The following SIX1 variants were observed in gnomAD, a reference collection of about 807,000 sequenced individuals.
SIX1 encodes the protein SIX homeobox 1.
SIX1 carries 11 observed loss-of-function variants against 26.5 expected under a neutral mutation model. That is an observed-to-expected ratio of 0.41 (90% CI 0.26 to 0.69). The LOEUF is 0.69. Ranked by LOEUF, SIX1 falls within the 30% of genes least tolerant of loss-of-function variation. SIX1 has a pLI of 0.28. For missense variants in SIX1, 333 were observed against 365.9 expected, an observed-to-expected ratio of 0.91 and a Z score of 0.73; for synonymous variants, 177 against 166.2, an observed-to-expected ratio of 1.06 and a Z score of -0.50.
Position 60,648,769 on chromosome 14 carries a change from C to A in SIX1, c.421G>T (p.Glu141Ter), listed in dbSNP as rs761906849. ...FKEKSRGVLR[E>*]WYAHNPYPSP... is the part of the protein sequence containing the mutation. ...GGGTAGGGATTGTGCGCGTACCACT[C>A]CCGCAGGACACCCCTCGACTTCTCC... Residue 141 changes from glutamate to a stop codon, truncating the protein, a stop_gained, in exon 1 of 2, where the codon GAG becomes TAG. Coordinates refer to ENST00000645694, the MANE Select transcript of SIX1 (RefSeq NM_005982.4). LOFTEE classifies it high-confidence loss of function. The surrounding 1 kb of genome is among the most constrained non-coding windows in gnomAD (Gnocchi z 7.9). 11 of 1,614,150 alleles carry A rather than the reference C, an allele frequency of 6.8e-6. No individual in the cohort carries two copies. Among genetic ancestry groups the A allele is most frequent in the Non-Finnish European group, 9.3e-6 (11 of 1,179,988 alleles).
chr14:60,644,223 C>T lies in SIX1; in HGVS notation c.*2060G>A, dbSNP rs1894903451. On this transcript the variant is annotated 3_prime_UTR_variant, in exon 2 of 2. Coordinates refer to ENST00000645694, the MANE Select transcript of SIX1 (RefSeq NM_005982.4). The stretch of plus-strand genomic sequence containing the variant: ...GAATGTGAAGAATGTGAGGAGATTC[C>T]CTGTGAGAGCCCCTCCTGCAGAGGG... The T allele has an allele frequency of 6.6e-6, 1 of 152,138 alleles. No homozygotes were observed. The highest frequency in any genetic ancestry group is 1.5e-5 in the Non-Finnish European group (1 of 68,046). 9.4% of individuals were successfully genotyped at this position (152,138 alleles called of 1,614,324 possible).
chr14:60,648,503 CCG>C lies in SIX1; in HGVS notation c.560+125_560+126del, dbSNP rs1210337412. 1 of 887,816 alleles carries C rather than the reference CCG, an allele frequency of 1.1e-6. No individual in the cohort carries two copies. Among genetic ancestry groups the C allele is most frequent in the Non-Finnish European group, 1.7e-6 (1 of 579,414 alleles). 55.0% of individuals were successfully genotyped at this position (887,816 alleles called of 1,614,324 possible). A position where few individuals can be genotyped will look rare whatever the true frequency, so the allele number is the denominator to read the frequency against. Reference sequence around the variant, plus strand: ...TGCAGCGCCGCGGAGGGCCTGCGCGCCGCCCCGTGGACGGGCTCCGGCCGGCG... The same window carrying C: ...TGCAGCGCCGCGGAGGGCCTGCGCGCCCCCGTGGACGGGCTCCGGCCGGCG... On this transcript the variant is annotated intron_variant, in intron 1 of 1. Transcript: ENST00000645694. This position sits in a 1 kb window ranked among gnomAD's most constrained non-coding sequence, Gnocchi z 7.9.
intron 1 of SIX1, 30 bp from the exon 2 acceptor site, chr14:60,646,607 T>TAAAAA: frequency 3.2e-5 from 27 of 831,182 alleles, no homozygotes; most frequent in South Asian, 1.4e-4. Context: ...ACCATATGGT[T>TAAAAA]AAAAAAAAAA....
In SIX1 at chr14:60,646,159, T is replaced by G; in HGVS notation, c.*124A>C. 1 of 894,598 alleles carries G rather than the reference T, an allele frequency of 1.1e-6. No individual in the cohort carries two copies. Among genetic ancestry groups the G allele is most frequent in the Non-Finnish European group, 1.7e-6 (1 of 596,402 alleles). The allele number at this position is 894,598 out of a possible 1,614,324, so 55.4% of individuals were successfully genotyped here. A position where few individuals can be genotyped will look rare whatever the true frequency, so the allele number is the denominator to read the frequency against. The stretch of plus-strand genomic sequence containing the variant: ...GATATTTGTGAAAGTCCACCATTCC[T>G]TTATGCGCAAACAACTCCAGAAACA... On this transcript the variant is annotated 3_prime_UTR_variant, in exon 2 of 2. Transcript: ENST00000645694.
In SIX1 at chr14:60,648,224, G is replaced by A. The variant is rs566930575; in HGVS notation, c.560+406C>T. 1.3e-5 allele frequency among the ~76,000 whole-genome samples: 2 copies of A among 152,266 alleles called. No homozygotes were observed. The highest frequency in any genetic ancestry group is 2.1e-4 in the South Asian group (1 of 4,830). On this transcript the variant is annotated intron_variant, in intron 1 of 1. Coordinates refer to ENST00000645694, the MANE Select transcript of SIX1 (RefSeq NM_005982.4). This position sits in a 1 kb window ranked among gnomAD's most constrained non-coding sequence, Gnocchi z 7.9. The stretch of plus-strand genomic sequence containing the variant: ...AGCTTCACCCCTCTGGGGAGCAAGA[G>A]GAGAGAGGTTCGCGAACCTCAGCTC...
rs1214318211 is a variant in SIX1 at position 60,644,764 on chromosome 14, A to G, written c.*1519T>C. 6.6e-6 allele frequency: 1 copy of G among 152,258 alleles called. No homozygotes were observed. Among genetic ancestry groups the G allele is most frequent in the Non-Finnish European group, 1.5e-5 (1 of 68,046 alleles). The allele number at this position is 152,258 out of a possible 1,614,324, so 9.4% of individuals were successfully genotyped here. On this transcript the variant is annotated 3_prime_UTR_variant, in exon 2 of 2. Coordinates refer to ENST00000645694, the MANE Select transcript of SIX1 (RefSeq NM_005982.4). ...TTCACTAATTTTAAAAGCTAAATAC[A>G]GAAGATACATCATTTTGCCCCAGGC...
rs1895017792 is a variant in SIX1 at position 60,649,303 on chromosome 14, A to C, written c.-114T>G. The C allele has an allele frequency of 2.2e-6, 2 of 926,428 alleles. No individual in the cohort carries two copies. Among genetic ancestry groups the C allele is most frequent in the Non-Finnish European group, 3.2e-6 (2 of 621,374 alleles). 57.4% of individuals were successfully genotyped at this position (926,428 alleles called of 1,614,324 possible). A position where few individuals can be genotyped will look rare whatever the true frequency, so the allele number is the denominator to read the frequency against. On this transcript the variant is annotated 5_prime_UTR_variant, in exon 1 of 2. Transcript: ENST00000645694. This position sits in a 1 kb window ranked among gnomAD's most constrained non-coding sequence, Gnocchi z 5.1. ...CGCGGCTGTTCCTAACCTCCTCCTT[A>C]GGCTTTGCAAAGGCGAAAACCGGAG...
In SIX1 at chr14:60,646,505, C is replaced by A. The variant is rs1894943969; in HGVS notation, c.633G>T (p.Pro211=). 6.2e-7 allele frequency: 1 copy of A among 1,612,240 alleles called. No homozygotes were observed. The highest frequency in any genetic ancestry group is 1.1e-5 in the South Asian group (1 of 91,000). ...ATTCCTCTTCTGAGCTGGACATGAG[C>A]GGCTTGCCCCCTTCCAGAGGAGAGA... ...NQLSPLEGGK[P]LMSSSEEEFS... Residue 211 remains proline (P), a synonymous_variant, in exon 2 of 2, where the codon CCG becomes CCT. Coordinates refer to ENST00000645694, the MANE Select transcript of SIX1 (RefSeq NM_005982.4).
chr14:60,648,775 G>A lies in SIX1; in HGVS notation c.415C>T (p.Leu139=), dbSNP rs1484072258. 1.9e-6 allele frequency: 3 copies of A among 1,614,050 alleles called. No individual in the cohort carries two copies. The highest frequency in any genetic ancestry group is 2.7e-5 in the African/African-American group (2 of 74,942). Residue 139 remains leucine (L), a synonymous_variant, in exon 1 of 2, where the codon CTG becomes TTG. Transcript: ENST00000645694. This position sits in a 1 kb window ranked among gnomAD's most constrained non-coding sequence, Gnocchi z 7.9. ...GGATTGTGCGCGTACCACTCCCGCA[G>A]GACACCCCTCGACTTCTCCTTGAAG... ...YCFKEKSRGV[L]REWYAHNPYP... is the part of the protein sequence containing the mutation.
rs182795431 is a variant in SIX1 at position 60,647,476 on chromosome 14, C to T, written c.561-899G>A. On this transcript the variant is annotated intron_variant, in intron 1 of 1. Transcript: ENST00000645694. This position sits in a 1 kb window ranked among gnomAD's most constrained non-coding sequence, Gnocchi z 5.1. ...GTTAACTTCAGGATTTCGCTTCCCT[C>T]GCCGCTTCCGCCTTCCGAGTGCTCG... Among the ~76,000 whole-genome samples the T allele has an allele frequency of 9.9e-4, 151 of 152,326 alleles. 1 individual carries two copies. The East Asian group carries it at 0.016, about 16-fold the overall frequency.
At position 60,645,400 on chromosome 14, in the gene SIX1, GA is replaced by G. The variant is rs1398283247; in HGVS notation, c.*882del. ...GCATACCTTTGCAAACTAGAAACTA[GA>G]AACAGGAGAAACCCTTTACAGGAGT... On this transcript the variant is annotated 3_prime_UTR_variant, in exon 2 of 2. Coordinates refer to ENST00000645694, the MANE Select transcript of SIX1 (RefSeq NM_005982.4). This position sits in a 1 kb window ranked among gnomAD's most constrained non-coding sequence, Gnocchi z 4.6. The G allele has an allele frequency of 6.6e-6, 1 of 151,994 alleles. No individual in the cohort carries two copies. Among genetic ancestry groups the G allele is most frequent in the African/African-American group, 2.4e-5 (1 of 41,378 alleles). The allele number at this position is 151,994 out of a possible 1,614,324, so 9.4% of individuals were successfully genotyped here.
chr14:60,648,495 C>G lies in SIX1; in HGVS notation c.560+135G>C. On this transcript the variant is annotated intron_variant, in intron 1 of 1. Transcript: ENST00000645694. The surrounding 1 kb of genome is among the most constrained non-coding windows in gnomAD (Gnocchi z 7.9). ...ACTTTCGCTGCAGCGCCGCGGAGGG[C>G]CTGCGCGCCGCCCCGTGGACGGGCT... 1.3e-6 allele frequency: 1 copy of G among 791,410 alleles called. No individual in the cohort carries two copies. The highest frequency in any genetic ancestry group is 1.7e-5 in the South Asian group (1 of 58,088). The allele number at this position is 791,410 out of a possible 1,614,324, so 49.0% of individuals were successfully genotyped here.
intron 1 of SIX1, among the ~76,000 whole-genome samples, 186 bp from the exon 2 acceptor site, chr14:60,646,763 A>G (rs1430361036): frequency 6.6e-6 from 1 of 152,134 alleles, no homozygotes; most frequent in Non-Finnish European, 1.5e-5. Context: ...GGGGGAGGTG[A>G]GGAGTCAGAG....
Position 60,646,288 on chromosome 14 carries a change from A to AC in SIX1, c.849dup (p.Ser284ValfsTer22). The AC allele has an allele frequency of 6.2e-7, 1 of 1,611,844 alleles. No individual in the cohort carries two copies. Among genetic ancestry groups the AC allele is most frequent in the East Asian group, 2.2e-5 (1 of 44,804 alleles). On this transcript the variant is annotated frameshift_variant, in exon 2 of 2. Coordinates refer to ENST00000645694, the MANE Select transcript of SIX1 (RefSeq NM_005982.4). LOFTEE classifies it high-confidence loss of function. ...AGGCCCCAGTCCCTCCCCACTTAGG[A>AC]CCCCAAGTCCACCAGACTGGAGGTG...
chr14:60,647,229 T>C lies in SIX1; in HGVS notation c.561-652A>G, dbSNP rs978020834. ...TTCATCTGGAGTCGGCCCTCGGGCCTGGCTTATAGGACGGCCGTTTTGTAA... is the reference window on the plus strand; with the variant it reads ...TTCATCTGGAGTCGGCCCTCGGGCCCGGCTTATAGGACGGCCGTTTTGTAA... On this transcript the variant is annotated intron_variant, in intron 1 of 1. Transcript: ENST00000645694. This position sits in a 1 kb window ranked among gnomAD's most constrained non-coding sequence, Gnocchi z 5.1. Among the ~76,000 whole-genome samples, 18 of 152,254 alleles carry C rather than the reference T, an allele frequency of 1.2e-4. No individual in the cohort carries two copies. The highest frequency in any genetic ancestry group is 2.6e-4 in the Non-Finnish European group (18 of 68,044).
rs554579004 is a variant in SIX1 at position 60,647,493 on chromosome 14, G to A, written c.561-916C>T. 6.6e-6 allele frequency among the ~76,000 whole-genome samples: 1 copy of A among 152,234 alleles called. No homozygotes were observed. Among genetic ancestry groups the A allele is most frequent in the South Asian group, 2.1e-4 (1 of 4,822 alleles). The stretch of plus-strand genomic sequence containing the variant: ...GCTTCCCTCGCCGCTTCCGCCTTCC[G>A]AGTGCTCGTCAGTCCTCCCGACTCC... On this transcript the variant is annotated intron_variant, in intron 1 of 1. Coordinates refer to ENST00000645694, the MANE Select transcript of SIX1 (RefSeq NM_005982.4). The surrounding 1 kb of genome is among the most constrained non-coding windows in gnomAD (Gnocchi z 5.1).
chr14:60,646,553 G>A lies in SIX1; in HGVS notation c.585C>T (p.Ser195=). 1.2e-6 allele frequency: 2 copies of A among 1,607,662 alleles called. No individual in the cohort carries two copies. Among genetic ancestry groups the A allele is most frequent in the Non-Finnish European group, 1.7e-6 (2 of 1,178,732 alleles). ...KERENTENNN[S]SSNKQNQLSP... is the part of the protein sequence containing the mutation. ...AGAGTTGGTTCTGCTTGTTGGAGGAGGAGTTATTGTTTTCGGTGTTCTCCC... is the reference window on the plus strand; with the variant it reads ...AGAGTTGGTTCTGCTTGTTGGAGGAAGAGTTATTGTTTTCGGTGTTCTCCC... The change falls in exon 2 of 2, where the codon TCC becomes TCT. Residue 195 remains serine (S), a synonymous_variant. Transcript: ENST00000645694.
In SIX1 at chr14:60,647,571, C is replaced by G. The variant is rs375053942; in HGVS notation, c.561-994G>C. Among the ~76,000 whole-genome samples the G allele has an allele frequency of 3.9e-5, 6 of 152,314 alleles. 1 individual carries two copies. The highest frequency in any genetic ancestry group is 6.8e-3 in the Middle Eastern group (2 of 294). ...CCTTATCCTCACAGTCTCTGTCTCC[C>G]GACAAGCCCATTTCAGCAGAATTTA... On this transcript the variant is annotated intron_variant, in intron 1 of 1. Coordinates refer to ENST00000645694, the MANE Select transcript of SIX1 (RefSeq NM_005982.4). The surrounding 1 kb of genome is among the most constrained non-coding windows in gnomAD (Gnocchi z 5.1).
At position 60,648,642 on chromosome 14, in the gene SIX1, T is replaced by C. The variant is rs1064793268; in HGVS notation, c.548A>G (p.Glu183Gly). 6.2e-7 allele frequency: 1 copy of C among 1,613,242 alleles called. No homozygotes were observed. ...KNRRQRDRAA[E>G]AKERENTENN... ...GCACGCCGCGTACCTTTCCTTGGCC[T>C]CCGCGGCCCGGTCTCTTTGCCTCCG... The change falls in exon 1 of 2, where the codon GAG becomes GGG. Residue 183 changes from glutamate to glycine, a missense_variant. Physicochemically the swap from Glu to Gly is moderately conservative, Grantham distance 98. This residue lies in a region of SIX1 where 199 missense variants were observed against 215.2 expected (regional missense o/e 0.92). Transcript: ENST00000645694. The surrounding 1 kb of genome is among the most constrained non-coding windows in gnomAD (Gnocchi z 7.9).
Sources: gnomAD v4.1 joint callset for allele counts (sites outside exome capture counted in the v4.1 genomes callset) on GRCh38, gnomAD v4.1.1 for gene constraint, gnomAD v4.1.1 regional missense constraint, Gnocchi (gnomAD v3.1) non-coding constraint, MANE v1.5 for transcripts, NCBI Gene and HGNC (gene_info 2026-07-23, HGNC 2026-07-21) for gene names.